Variants in HEG1 observed in about 807,000 individuals in gnomAD.
HEG1 encodes the protein heart development protein with EGF like domains 1.
HEG1 carries 56 observed loss-of-function variants against 125.6 expected under a neutral mutation model. The observed-to-expected ratio is 0.45, with a 90% CI of 0.36 to 0.56. The LOEUF (loss-of-function observed/expected upper bound fraction) is 0.56, where lower values mean the gene tolerates loss of function less well. Among genes scored for constraint, HEG1 ranks in the 20% least tolerant of loss-of-function variants. The probability of loss-of-function intolerance (pLI) is 0.00; values close to 1 mark genes in which losing one functional copy is unlikely to be tolerated. For missense variants in HEG1, 1,523 were observed against 1,670.0 expected, an observed-to-expected ratio of 0.91 and a Z score of 1.53; for synonymous variants, 644 against 668.5, an observed-to-expected ratio of 0.96 and a Z score of 0.57.
chr3:124,978,773 C>T (rs1248718769), intron 14 of HEG1, among the ~76,000 whole-genome samples: 1 of 149,830 alleles, frequency 6.7e-6, no homozygotes, highest in Non-Finnish European at 1.5e-5. Context: ...TGCACTCCAG[C>T]CTGGGTGACA....
In HEG1 at chr3:125,020,987, C is replaced by A. The variant is rs1301461809; in HGVS notation, c.1057G>T (p.Val353Leu). 6.2e-7 allele frequency: 1 copy of A among 1,613,928 alleles called. No individual in the cohort carries two copies. Among genetic ancestry groups the A allele is most frequent in the Admixed American group, 1.7e-5 (1 of 60,010 alleles). The change falls in exon 4 of 17, where the codon GTG (valine) becomes TTG (leucine). Residue 353 changes from valine (V) to leucine (L), a missense_variant. Transcript: ENST00000311127. The part of the protein sequence containing the change: ...LRSLTVSLGP[V>L]SKTEGFPKDS... The stretch of plus-strand genomic sequence containing the variant: ...TTGGGGAAGCCTTCTGTCTTGCTCA[C>A]AGGTCCCAGACTGACCGTCAAAGAT...
At chr3:125,014,085 A>G (rs1033070936) in intron 5 of HEG1, 95 bp from the exon 6 acceptor site, 52 of 1,152,138 alleles carry the variant, frequency 4.5e-5, no homozygotes, top group African/African-American at 3.1e-4. Context: ...ATGAAACTCA[A>G]TGAATTCAAG....
chr3:125,027,325 C>T lies in HEG1; in HGVS notation c.793G>A (p.Ala265Thr). The T allele has an allele frequency of 6.2e-7, 1 of 1,613,950 alleles. No individual in the cohort carries two copies. Among genetic ancestry groups the T allele is most frequent in the Admixed American group, 1.7e-5 (1 of 60,010 alleles). Residue 265 changes from alanine to threonine, a missense_variant, in exon 3 of 17, where the codon GCT becomes ACT. Transcript: ENST00000311127. Reference protein sequence around the residue: ...TSAWSPSFLPALEMGELTTPS... With the variant: ...TSAWSPSFLPTLEMGELTTPS... ...GTGGTCAGCTCTCCCATCTCCAAAGCAGGAAGAAAGGACGGGCTCCAAGCC... is the reference window on the plus strand; with the variant it reads ...GTGGTCAGCTCTCCCATCTCCAAAGTAGGAAGAAAGGACGGGCTCCAAGCC...
chr3:125,023,233 CAAA>C (rs1373243002), intron 3 of HEG1, among the ~76,000 whole-genome samples: 4 of 113,032 alleles, frequency 3.5e-5, no homozygotes, highest in South Asian at 6.6e-4. Context: ...ACAAAACAAA[CAAA>C]CCAAAAAAAC....
Position 124,967,146 on chromosome 3 carries a change from A to G in HEG1, c.*3506T>C, listed in dbSNP as rs1272563776. On this transcript the variant is annotated 3_prime_UTR_variant, in exon 17 of 17. Transcript: ENST00000311127. ...AAATATACTTCCCCTCAAAGGAGGA[A>G]GATGTGTCAGCGTTTAAGACATTCC... 3 of 152,234 alleles carry G rather than the reference A, an allele frequency of 2.0e-5. No homozygotes were observed. The highest frequency in any genetic ancestry group is 7.2e-5 in the African/African-American group (3 of 41,464). The allele number at this position is 152,234 out of a possible 1,614,324, so 9.4% of individuals were successfully genotyped here.
intron 4 of HEG1, 27 bp downstream of exon 4, chr3:125,020,765 T>C (rs1560028160): frequency 1.3e-6 from 2 of 1,573,378 alleles, no homozygotes; most frequent in Non-Finnish European, 1.7e-6. Context: ...ATGTCCCTAA[T>C]AGATCAAGTA....
intron 3 of HEG1, among the ~76,000 whole-genome samples, chr3:125,023,234 A>C (rs1350017036): frequency 8.9e-6 from 1 of 112,630 alleles, no homozygotes; most frequent in Non-Finnish European, 2.0e-5. Flanking sequence ...CAAAACAAAC[A>C]AACCAAAAAA....
intron 1 of HEG1, among the ~76,000 whole-genome samples, chr3:125,044,930 C>A (rs182843734): frequency 4.6e-5 from 7 of 152,028 alleles, no homozygotes; most frequent in African/African-American, 1.7e-4. Context: ...TGGAATTCAG[C>A]GCTCTGATAC....
intron 14 of HEG1, among the ~76,000 whole-genome samples, 174 bp downstream of exon 14, chr3:124,990,613 A>G (rs1028808504): frequency 6.6e-6 from 1 of 152,206 alleles, no homozygotes; most frequent in African/African-American, 2.4e-5. Flanking sequence ...TGCTGGGATT[A>G]CAGGCGTGAG....
At chr3:124,994,751 G>A (rs933849620) in intron 12 of HEG1, among the ~76,000 whole-genome samples, 7 of 152,082 alleles carry the variant, frequency 4.6e-5, no homozygotes, top group Non-Finnish European at 8.8e-5. Flanking sequence ...TGATCCTCCC[G>A]CCTCAGCCTC....
intron 16 of HEG1, chr3:124,971,156 T>C (rs770078320): frequency 1.3e-4 from 63 of 472,694 alleles, no homozygotes; most frequent in Middle Eastern, 6.3e-4. Context: ...TCCCTGGGAA[T>C]AAGAGGGGCT....
intron 14 of HEG1, among the ~76,000 whole-genome samples, chr3:124,980,904 G>A (rs1936637975): frequency 6.6e-6 from 1 of 151,594 alleles, no homozygotes; most frequent in South Asian, 2.1e-4. Context: ...GCCCACACTG[G>A]AGTGCAGTGG....
At chr3:125,024,787 C>G (rs1024540599) in intron 3 of HEG1, among the ~76,000 whole-genome samples, 2 of 152,186 alleles carry the variant, frequency 1.3e-5, no homozygotes, top group Non-Finnish European at 2.9e-5. Flanking sequence ...GCTGAATACA[C>G]GTGGAATCAT....
chr3:125,050,142 C>CT (rs35715939), intron 1 of HEG1, among the ~76,000 whole-genome samples: 1,833 of 113,526 alleles, frequency 0.016, 43 homozygotes, highest in African/African-American at 0.047. Flanking sequence ...CACCAACTCT[C>CT]TTTTTTTTTT....
chr3:124,978,320 T>G (rs955256480), intron 14 of HEG1, among the ~76,000 whole-genome samples: 1 of 152,184 alleles, frequency 6.6e-6, no homozygotes, highest in Admixed American at 6.5e-5. Flanking sequence ...GCTAATTTTT[T>G]GTATTTTTAG....
intron 1 of HEG1, among the ~76,000 whole-genome samples, chr3:125,053,226 A>T (rs1049791334): frequency 9.9e-5 from 15 of 152,230 alleles, no homozygotes; most frequent in Non-Finnish European, 2.1e-4. Context: ...CCCTCTCAGC[A>T]TTGAGACCTT....
At chr3:124,994,503 G>T (rs1233253495) in intron 12 of HEG1, among the ~76,000 whole-genome samples, 1 of 151,530 alleles carries the variant, frequency 6.6e-6, no homozygotes, top group Non-Finnish European at 1.5e-5. Context: ...GTAGATGGTG[G>T]CATCTTTTTT....
chr3:125,019,232 G>T (rs1181609980), intron 5 of HEG1, 30 bp downstream of exon 5: 3 of 1,557,666 alleles, frequency 1.9e-6, no homozygotes, highest in South Asian at 1.1e-5. Context: ...TCCTCTATGG[G>T]GCACAGTTGC....
At chr3:124,987,353 G>A (rs534094604) in intron 14 of HEG1, among the ~76,000 whole-genome samples, 23 of 152,104 alleles carry the variant, frequency 1.5e-4, no homozygotes, top group Middle Eastern at 3.4e-3. Flanking sequence ...GCTCACCCGA[G>A]GGGCACACGT....
Sources: allele counts gnomAD v4.1 joint callset (sites outside exome capture counted in the v4.1 genomes callset), GRCh38; gene constraint gnomAD v4.1.1; transcripts MANE v1.5; gene names NCBI Gene and HGNC (gene_info 2026-07-23, HGNC 2026-07-21).